UGGT2: variants seen among roughly 807,000 people sequenced by gnomAD.
UGGT2 encodes UDP-glucose:glycoprotein glucosyltransferase 2.
UGGT2 carries 180 observed loss-of-function variants against 192.1 expected under a neutral mutation model. That is an observed-to-expected ratio of 0.94 (90% CI 0.83 to 1.06). UGGT2 has a LOEUF of 1.06. Among genes scored for constraint, UGGT2 ranks in the 50% least tolerant of loss-of-function variants. UGGT2 has a pLI of 0.00. For synonymous variants in UGGT2, 580 were observed against 591.0 expected, an observed-to-expected ratio of 0.98 and a Z score of 0.27; for missense variants, 1,849 against 1,795.7, an observed-to-expected ratio of 1.03 and a Z score of -0.54.
intron 33 of UGGT2, 120 bp downstream of exon 33, chr13:95,859,471 C>T: frequency 1.2e-6 from 1 of 809,432 alleles, no homozygotes; most frequent in Non-Finnish European, 1.9e-6. Context: ...CATAAAAATA[C>T]TAAATACCAT....
chr13:95,809,461 G>A (rs946879174), intron 38 of UGGT2: 10 of 371,588 alleles, frequency 2.7e-5, no homozygotes, highest in South Asian at 2.2e-5. Context: ...TTGTTTGCAC[G>A]TTCTGTCTGG....
chr13:95,967,303 C>T (rs2050614228), intron 12 of UGGT2, among the ~76,000 whole-genome samples: 1 of 151,784 alleles, frequency 6.6e-6, no homozygotes, highest in East Asian at 1.9e-4. Flanking sequence ...CAGGCACGTA[C>T]CACCACACCC....
At chr13:95,974,642 T>TA (rs1424440014) in intron 10 of UGGT2, among the ~76,000 whole-genome samples, 1 of 152,200 alleles carries the variant, frequency 6.6e-6, no homozygotes, top group Non-Finnish European at 1.5e-5. Context: ...GAGTTACCCT[T>TA]AAGTCCTGAA....
chr13:95,982,264 T>C (rs139651780), intron 10 of UGGT2, among the ~76,000 whole-genome samples: 36 of 152,304 alleles, frequency 2.4e-4, no homozygotes, highest in Non-Finnish European at 5.3e-4. Flanking sequence ...CATTTTATTT[T>C]CTAACAAAGA....
At chr13:95,926,998 G>A (rs2049035043) in intron 19 of UGGT2, 30 bp downstream of exon 19, 1 of 1,551,732 alleles carries the variant, frequency 6.4e-7, no homozygotes, top group Non-Finnish European at 8.7e-7. Flanking sequence ...ATCACTTTAA[G>A]AATTCAGGTA....
intron 11 of UGGT2, among the ~76,000 whole-genome samples, chr13:95,971,770 C>T (rs1175178890): frequency 2.6e-5 from 4 of 152,034 alleles, no homozygotes; most frequent in Non-Finnish European, 5.9e-5. Context: ...ATTCAAGTAA[C>T]TAAAGAGAAA....
chr13:95,950,469 T>C (rs751875691), intron 12 of UGGT2, among the ~76,000 whole-genome samples: 1 of 151,146 alleles, frequency 6.6e-6, no homozygotes, highest in Non-Finnish European at 1.5e-5. Context: ...AGTGAGCATC[T>C]GGCACTGAGG....
intron 20 of UGGT2, among the ~76,000 whole-genome samples, chr13:95,919,001 C>T (rs1459842441): frequency 3.3e-5 from 5 of 152,100 alleles, no homozygotes; most frequent in African/African-American, 1.2e-4. Flanking sequence ...AATTCAGCAG[C>T]ACATAAAAAA....
At chr13:95,996,268 G>T in intron 6 of UGGT2, 133 bp from the exon 7 acceptor site, 1 of 697,826 alleles carries the variant, frequency 1.4e-6, no homozygotes, top group Non-Finnish European at 2.5e-6. Flanking sequence ...TTGGGAGGCC[G>T]AGGTGGGTAA....
chr13:95,834,850 C>T (rs776367539), intron 37 of UGGT2, among the ~76,000 whole-genome samples: 2 of 152,138 alleles, frequency 1.3e-5, no homozygotes, highest in African/African-American at 4.8e-5. Context: ...GTTCTCCACA[C>T]TTTTTTTCCC....
intron 35 of UGGT2, 87 bp from the exon 36 acceptor site, chr13:95,853,744 T>G (rs914306036): frequency 3.7e-6 from 3 of 800,316 alleles, no homozygotes; most frequent in Non-Finnish European, 5.7e-6. Flanking sequence ...ACAGTGACGG[T>G]ATTAACTACA....
rs1001912892 is a variant in UGGT2, at chr13:95,895,297, C to A, written c.2642G>T (p.Gly881Val). 3 of 1,443,736 alleles carry A rather than the reference C, an allele frequency of 2.1e-6. No homozygotes were observed. In the Admixed American group the frequency reaches 6.8e-5, roughly 33 times the overall value. The allele number at this position is 1,443,736 out of a possible 1,614,324, so 89.4% of individuals were successfully genotyped here. The change falls in exon 23 of 39, where the codon GGA (glycine) becomes GTA (valine). Residue 881 changes from glycine (G) to valine (V), a missense_variant. By Grantham distance (109) the Gly-to-Val change is moderately radical. Coordinates refer to ENST00000376747, the MANE Select transcript of UGGT2 (RefSeq NM_020121.4). ...MGIVSNGRFL[G>V]PLDEDFYAED... ...TGCATAAAAATCTTCATCTAAAGGT[C>A]CTAAGAACTTAAAATAAAAACAGTT...
chr13:95,801,854 C>T, intron 38 of UGGT2, 42 bp from the exon 39 acceptor site: 2 of 1,608,630 alleles, frequency 1.2e-6, no homozygotes, highest in Non-Finnish European at 1.7e-6. Flanking sequence ...GCATCTTAAA[C>T]ATAAAAATAT....
intron 11 of UGGT2, among the ~76,000 whole-genome samples, chr13:95,971,081 C>G (rs2050758206): frequency 6.6e-6 from 1 of 152,120 alleles, no homozygotes; most frequent in South Asian, 2.1e-4. Flanking sequence ...CCTCCCGCTA[C>G]TCTCAGGATC....
intron 10 of UGGT2, among the ~76,000 whole-genome samples, chr13:95,980,480 A>G (rs377347045): frequency 1.4e-4 from 22 of 152,262 alleles, no homozygotes; most frequent in African/African-American, 4.8e-4. Flanking sequence ...CAAGAGATCA[A>G]AGACTACACA....
intron 29 of UGGT2, among the ~76,000 whole-genome samples, chr13:95,868,418 A>T (rs1433539524): frequency 6.6e-6 from 1 of 152,046 alleles, no homozygotes; most frequent in African/African-American, 2.4e-5. Context: ...CAACAGTGAG[A>T]CCTCGTCTCT....
At chr13:95,827,798 T>TCC (rs886546594) in intron 38 of UGGT2, among the ~76,000 whole-genome samples, 6 of 152,124 alleles carry the variant, frequency 3.9e-5, no homozygotes, top group African/African-American at 1.4e-4. Context: ...ACCATTTGCA[T>TCC]CCCCATTGTT....
In UGGT2 at chr13:95,895,152, G is replaced by A. The variant is rs780200319; in HGVS notation, c.2759+28C>T. 3.2e-6 allele frequency: 5 copies of A among 1,546,816 alleles called. No individual in the cohort carries two copies. The African/African-American group carries it at 5.7e-5, about 18-fold the overall frequency. ...AGACTCAAAATACCAAACCCAAAAT[G>A]AATTGCTCTTAGAACTTATATACTC... is the stretch of plus-strand genomic sequence containing the variant. On this transcript the variant is annotated intron_variant, in intron 23 of 38. Coordinates refer to ENST00000376747, the MANE Select transcript of UGGT2 (RefSeq NM_020121.4).
At chr13:95,908,426 C>A (rs556991877) in intron 20 of UGGT2, among the ~76,000 whole-genome samples, 1 of 152,174 alleles carries the variant, frequency 6.6e-6, no homozygotes, top group Non-Finnish European at 1.5e-5. Flanking sequence ...TCAAGAAGAA[C>A]AACCCCAAGA....
Sources: allele counts gnomAD v4.1 joint callset (sites outside exome capture counted in the v4.1 genomes callset), GRCh38; gene constraint gnomAD v4.1.1; transcripts MANE v1.5; gene names NCBI Gene and HGNC (gene_info 2026-07-23, HGNC 2026-07-21).